Variants in SAMD12 observed in about 807,000 individuals in gnomAD.
The protein encoded by SAMD12 is sterile alpha motif domain containing 12, also known as sterile alpha motif domain-containing protein 12.
SAMD12 carries 9 observed loss-of-function variants against 15.0 expected under a neutral mutation model. That is an observed-to-expected ratio of 0.60 (90% CI 0.36 to 1.05). SAMD12 has a LOEUF of 1.05. Among genes scored for constraint, SAMD12 ranks in the 50% least tolerant of loss-of-function variants. The probability of loss-of-function intolerance (pLI) is 0.01; values close to 1 mark genes in which losing one functional copy is unlikely to be tolerated. For missense variants in SAMD12, 230 were observed against 234.2 expected (o/e 0.98, Z 0.12); for synonymous variants, 86 against 90.1 (o/e 0.96, Z 0.25).
chr8:118,322,583 A>G (rs929180373), intron 4 of SAMD12, among the ~76,000 whole-genome samples: 1 of 152,148 alleles, frequency 6.6e-6, no homozygotes, highest in Non-Finnish European at 1.5e-5. Context: ...TACTAAAAAG[A>G]CCCTTCTCTC....
chr8:118,531,424 T>C (rs1391540435), intron 2 of SAMD12, among the ~76,000 whole-genome samples: 3 of 152,190 alleles, frequency 2.0e-5, no homozygotes, highest in African/African-American at 4.8e-5. Flanking sequence ...TTTTTTTGGT[T>C]CCATATGAAC....
intron 2 of SAMD12, among the ~76,000 whole-genome samples, chr8:118,546,268 G>C (rs1351873018): frequency 2.0e-5 from 3 of 152,178 alleles, no homozygotes; most frequent in African/African-American, 7.2e-5. Context: ...GTAGCACTTA[G>C]CATTAAATGA....
intron 4 of SAMD12, among the ~76,000 whole-genome samples, chr8:118,306,452 G>A (rs962384856): frequency 6.6e-6 from 1 of 152,172 alleles, no homozygotes; most frequent in African/African-American, 2.4e-5. Context: ...TTAAAAGTCA[G>A]CTGTTCCATA....
At chr8:118,579,799 C>G (rs1258086834) in intron 2 of SAMD12, among the ~76,000 whole-genome samples, 2 of 152,128 alleles carry the variant, frequency 1.3e-5, no homozygotes, top group African/African-American at 4.8e-5. Context: ...AGAAACAAAA[C>G]TATATGAAGA....
At chr8:118,325,532 A>C (rs1816525484) in intron 4 of SAMD12, among the ~76,000 whole-genome samples, 1 of 152,222 alleles carries the variant, frequency 6.6e-6, no homozygotes, top group South Asian at 2.1e-4. Context: ...GCCACAATCA[A>C]ATTAATTAGC....
At position 118,240,835 on chromosome 8, in the gene SAMD12, G is replaced by A. The variant is rs187467340; in HGVS notation, c.434-43103C>T. ...GATTGCCCGTGGTGCTGAAGGACAA[G>A]CCAAGATTAAAGAGTCAACCAGCAG... On this transcript the variant is annotated intron_variant, in intron 4 of 4. Coordinates refer to the SAMD12 transcript ENST00000409003. 1.6e-3 allele frequency among the ~76,000 whole-genome samples: 243 copies of A among 152,250 alleles called. 1 individual carries two copies. The highest frequency in any genetic ancestry group is 4.8e-3 in the African/African-American group (201 of 41,566).
At chr8:118,544,483 C>T (rs1192349022) in intron 2 of SAMD12, among the ~76,000 whole-genome samples, 1 of 152,096 alleles carries the variant, frequency 6.6e-6, no homozygotes, top group Non-Finnish European at 1.5e-5. Context: ...TTCTTATAGT[C>T]TGGATTTTCC....
chr8:118,273,681 G>T (rs1164886466), intron 4 of SAMD12, among the ~76,000 whole-genome samples: 1 of 152,160 alleles, frequency 6.6e-6, no homozygotes, highest in Non-Finnish European at 1.5e-5. Flanking sequence ...TCAATACATG[G>T]CCTTAAAGGA....
intron 4 of SAMD12, among the ~76,000 whole-genome samples, chr8:118,338,825 T>C (rs1817208422): frequency 6.6e-6 from 1 of 152,230 alleles, no homozygotes; most frequent in South Asian, 2.1e-4. Flanking sequence ...GACAACCTCA[T>C]GTTTTTGTTA....
At chr8:118,165,638 A>ACG in the SAMD12 span, among the ~76,000 whole-genome samples, 11 of 132,542 alleles carry the variant, frequency 8.3e-5, no homozygotes, top group African/African-American at 3.8e-4. Context: ...ATATATATAC[A>ACG]TATATATATA....
intron 2 of SAMD12, among the ~76,000 whole-genome samples, chr8:118,500,067 CTTTTTTTTTTTTTTTT>C (rs563321387): frequency 1.4e-5 from 1 of 72,572 alleles, no homozygotes; most frequent in Admixed American, 2.1e-4. Context: ...TGAGTTTTGC[CTTTTTTTTTTTTTTTT>C]TTTTTTTTTG....
intron 4 of SAMD12, among the ~76,000 whole-genome samples, chr8:118,203,916 C>CTT (rs553180835): frequency 5.8e-4 from 87 of 148,944 alleles, no homozygotes; most frequent in Middle Eastern, 3.5e-3. Flanking sequence ...TGAACTCATC[C>CTT]TTTTTTTTTT....
chr8:118,517,540 A>C (rs1397717802), intron 2 of SAMD12, among the ~76,000 whole-genome samples: 1 of 152,216 alleles, frequency 6.6e-6, no homozygotes, highest in Non-Finnish European at 1.5e-5. Context: ...GCAACCTGTC[A>C]GAATCCCAGA....
chr8:118,313,095 T>C (rs1306692835), intron 4 of SAMD12, among the ~76,000 whole-genome samples: 4 of 152,160 alleles, frequency 2.6e-5, no homozygotes, highest in Non-Finnish European at 4.4e-5. Context: ...GAGCCACTGG[T>C]ACAAAACCAT....
chr8:118,478,863 A>G (rs1824041863), intron 2 of SAMD12, among the ~76,000 whole-genome samples: 1 of 152,216 alleles, frequency 6.6e-6, no homozygotes, highest in Non-Finnish European at 1.5e-5. Context: ...CTGACACTCC[A>G]TTATTTGACA....
chr8:118,441,469 C>T (rs1486985779), intron 2 of SAMD12, among the ~76,000 whole-genome samples: 7 of 149,392 alleles, frequency 4.7e-5, no homozygotes, highest in African/African-American at 9.9e-5. Flanking sequence ...TTTTTTTATT[C>T]GTATATTTCC....
intron 3 of SAMD12, among the ~76,000 whole-genome samples, chr8:118,418,077 G>A (rs564777481): frequency 4.0e-5 from 6 of 151,728 alleles, no homozygotes; most frequent in African/African-American, 9.7e-5. Flanking sequence ...CTATTCCTTC[G>A]TGCCTACCGT....
chr8:118,289,386 A>G (rs1464471246), intron 4 of SAMD12, among the ~76,000 whole-genome samples: 1 of 152,240 alleles, frequency 6.6e-6, no homozygotes, highest in Non-Finnish European at 1.5e-5. Flanking sequence ...CCCCTGAAGC[A>G]GCCTCAGCAT....
At chr8:118,533,467 A>G (rs548076846) in intron 2 of SAMD12, among the ~76,000 whole-genome samples, 1 of 152,336 alleles carries the variant, frequency 6.6e-6, no homozygotes, top group African/African-American at 2.4e-5. Flanking sequence ...CACTTGGTGC[A>G]GAGCTGAGTT....
Sources: allele counts gnomAD v4.1 joint callset (sites outside exome capture counted in the v4.1 genomes callset), GRCh38; gene constraint gnomAD v4.1.1; transcripts MANE v1.5; gene names NCBI Gene and HGNC (gene_info 2026-07-23, HGNC 2026-07-21).